PREX1: variants seen among roughly 807,000 people sequenced by gnomAD.
The protein encoded by PREX1 is phosphatidylinositol 3,4,5-trisphosphate-dependent Rac exchanger 1 protein.
In PREX1, 41 loss-of-function variants were observed where a neutral mutation model predicts 198.3. The ratio of observed to expected loss-of-function variants is 0.21; its 90% confidence interval spans 0.16 to 0.27. The LOEUF (loss-of-function observed/expected upper bound fraction) is 0.27. PREX1 is among the 10% of genes least tolerant of loss of function. The probability of loss-of-function intolerance (pLI) is 1.00; values close to 1 mark genes in which losing one functional copy is unlikely to be tolerated. For missense variants in PREX1, 1,620 were observed against 2,200.7 expected (o/e 0.74, Z 5.28); for synonymous variants, 843 against 887.2 (o/e 0.95, Z 0.89).
chr20:48,626,888 A>G (rs1034618875), intron 39 of PREX1, among the ~76,000 whole-genome samples: 1 of 152,220 alleles, frequency 6.6e-6, no homozygotes, highest in African/African-American at 2.4e-5. Flanking sequence ...GTGGAGATGG[A>G]GAGAGGATCA....
At chr20:48,799,720 A>G (rs1601143095) in intron 1 of PREX1, among the ~76,000 whole-genome samples, 1 of 152,150 alleles carries the variant, frequency 6.6e-6, no homozygotes, top group East Asian at 1.9e-4. Context: ...CCTGCAGGCA[A>G]GCGGGCCTCT....
At chr20:48,759,237 A>G (rs1197155483) in intron 1 of PREX1, among the ~76,000 whole-genome samples, 4 of 152,056 alleles carry the variant, frequency 2.6e-5, no homozygotes, top group Non-Finnish European at 4.4e-5. Context: ...TTCATGGGCT[A>G]TTGTGAGGCT....
At chr20:48,762,902 T>C (rs141992734) in intron 1 of PREX1, among the ~76,000 whole-genome samples, 135 of 152,288 alleles carry the variant, frequency 8.9e-4, no homozygotes, top group African/African-American at 3.0e-3. Flanking sequence ...AGGGTTTCAC[T>C]ATGTTGGCCA....
chr20:48,708,188 C>T, intron 6 of PREX1, 72 bp downstream of exon 6: 1 of 1,496,072 alleles, frequency 6.7e-7, no homozygotes, highest in Non-Finnish European at 9.1e-7. Flanking sequence ...GCCCAGGCCT[C>T]AGTTCATGAC....
chr20:48,738,341 C>A (rs547208811), intron 3 of PREX1, among the ~76,000 whole-genome samples: 9 of 152,356 alleles, frequency 5.9e-5, no homozygotes, highest in Middle Eastern at 3.4e-3. Context: ...CCTTCTACGA[C>A]AAGGTCTGCA....
chr20:48,720,720 C>A (rs1281140457), intron 5 of PREX1, among the ~76,000 whole-genome samples: 1 of 152,064 alleles, frequency 6.6e-6, no homozygotes, highest in Admixed American at 6.6e-5. Flanking sequence ...CCCCCTTCAC[C>A]GAGAATTGAG....
chr20:48,773,220 T>C (rs1193731557), intron 1 of PREX1, among the ~76,000 whole-genome samples: 2 of 124,020 alleles, frequency 1.6e-5, no homozygotes, highest in Non-Finnish European at 3.1e-5. Context: ...TGAGCCGAGA[T>C]CACGCCACTG....
intron 27 of PREX1, 53 bp downstream of exon 27, chr20:48,644,356 C>A: frequency 6.9e-7 from 1 of 1,454,884 alleles, no homozygotes; most frequent in East Asian, 2.3e-5. Flanking sequence ...AAAACTAAAT[C>A]TCATGGGGAG....
intron 39 of PREX1, among the ~76,000 whole-genome samples, 199 bp downstream of exon 39, chr20:48,627,349 G>A (rs1002213294): frequency 6.6e-6 from 1 of 152,110 alleles, no homozygotes; most frequent in African/African-American, 2.4e-5. Flanking sequence ...ACACCTGGGG[G>A]CTCATCTTCC....
intron 10 of PREX1, among the ~76,000 whole-genome samples, chr20:48,686,631 T>C (rs2089786455): frequency 6.6e-6 from 1 of 152,148 alleles, no homozygotes; most frequent in African/African-American, 2.4e-5. Flanking sequence ...AGGAGTTGGC[T>C]GAAAAGGCCA....
At chr20:48,672,802 G>A (rs753707243) in intron 14 of PREX1, among the ~76,000 whole-genome samples, 1 of 152,294 alleles carries the variant, frequency 6.6e-6, no homozygotes, top group Middle Eastern at 3.4e-3. Flanking sequence ...CCGCCCATGT[G>A]AGGGGGAGAT....
chr20:48,632,751 C>T, intron 33 of PREX1, 112 bp from the exon 34 acceptor site: 1 of 1,188,516 alleles, frequency 8.4e-7, no homozygotes, highest in Non-Finnish European at 1.2e-6. Context: ...TCCAGGGGGG[C>T]ACCCTGGGAC....
intron 1 of PREX1, among the ~76,000 whole-genome samples, chr20:48,810,096 C>T (rs1600529605): frequency 1.3e-5 from 2 of 152,302 alleles, no homozygotes; most frequent in Middle Eastern, 6.8e-3. Flanking sequence ...AAAGCAATGA[C>T]TATTGTATCC....
intron 3 of PREX1, 103 bp downstream of exon 3, chr20:48,744,922 A>G: frequency 7.0e-7 from 1 of 1,433,092 alleles, no homozygotes; most frequent in Non-Finnish European, 9.5e-7. Context: ...TCTCCCAGAC[A>G]GGCCTACAGA....
chr20:48,843,776 T>C, the PREX1 span, among the ~76,000 whole-genome samples: 3 of 152,264 alleles, frequency 2.0e-5, no homozygotes, highest in African/African-American at 7.2e-5. Context: ...GATGCAGATG[T>C]GGATTTCAGA....
At chr20:48,797,328 C>T (rs2090367393) in intron 1 of PREX1, among the ~76,000 whole-genome samples, 2 of 151,604 alleles carry the variant, frequency 1.3e-5, no homozygotes, top group South Asian at 4.2e-4. Flanking sequence ...CAAATGACGG[C>T]CCCCTGCTCC....
chr20:48,790,369 G>GA (rs1233236713), intron 1 of PREX1, among the ~76,000 whole-genome samples: 2 of 151,992 alleles, frequency 1.3e-5, no homozygotes, highest in African/African-American at 2.4e-5. Flanking sequence ...AGCCTCCCCC[G>GA]AAAGTAGGAA....
chr20:48,841,108 A>G, the PREX1 span, among the ~76,000 whole-genome samples: 1 of 151,992 alleles, frequency 6.6e-6, no homozygotes, highest in Non-Finnish European at 1.5e-5. Flanking sequence ...TTTTGCAGAT[A>G]CGGGGTTTCA....
chr20:48,679,816 C>T, intron 11 of PREX1, 62 bp from the exon 12 acceptor site: 1 of 1,354,438 alleles, frequency 7.4e-7, no homozygotes, highest in Non-Finnish European at 1.1e-6. Context: ...CAGCCACGCC[C>T]CCCAGCATTG....
Sources: allele counts gnomAD v4.1 joint callset (sites outside exome capture counted in the v4.1 genomes callset), GRCh38; gene constraint gnomAD v4.1.1; transcripts MANE v1.5; gene names NCBI Gene and HGNC (gene_info 2026-07-23, HGNC 2026-07-21).